CARD8: variants seen among roughly 807,000 people sequenced by gnomAD.
The protein encoded by CARD8 is caspase recruitment domain-containing protein 8.
A neutral mutation model predicts 53.2 loss-of-function variants in CARD8; 38 were observed. The ratio of observed to expected loss-of-function variants is 0.71; its 90% CI spans 0.55 to 0.94. The LOEUF is 0.94. CARD8 is among the 40% of genes least tolerant of loss of function. CARD8 has a pLI of 0.00. For synonymous variants in CARD8, 245 were observed against 244.9 expected (o/e 1.00, Z 0.00); for missense variants, 561 against 655.5 (o/e 0.86, Z 1.57).
intron 7 of CARD8, among the ~76,000 whole-genome samples, 179 bp downstream of exon 7, chr19:48,232,274 T>C (rs2043046314): frequency 6.6e-6 from 1 of 152,182 alleles, no homozygotes; most frequent in African/African-American, 2.4e-5. Context: ...AGCATTTCCA[T>C]GCCCCAGCAG....
chr19:48,244,281 TA>T (rs1365924967), intron 3 of CARD8, among the ~76,000 whole-genome samples: 4 of 152,110 alleles, frequency 2.6e-5, no homozygotes, highest in African/African-American at 9.7e-5. Flanking sequence ...TATTACTGAG[TA>T]TCAATGAAAG....
rs992659255 is a variant in CARD8 at position 48,211,544 on chromosome 19, G to A, written c.*166C>T. ...CTTGAGGAAAATGCATGAGGATACA[G>A]TCAATAGGTACATGCCAGGTTACAA... On this transcript the variant is annotated 3_prime_UTR_variant, in exon 14 of 14. Transcript: ENST00000651546. 7 of 643,442 alleles carry A rather than the reference G, an allele frequency of 1.1e-5. No individual in the cohort carries two copies. The highest frequency in any genetic ancestry group is 1.9e-5 in the Non-Finnish European group (7 of 373,570). The allele number at this position is 643,442 out of a possible 1,614,324, so 39.9% of individuals were successfully genotyped here.
At chr19:48,233,140 C>T (rs1460224283) in intron 6 of CARD8, 1 of 353,666 alleles carries the variant, frequency 2.8e-6, no homozygotes, top group Non-Finnish European at 5.5e-6. Flanking sequence ...CTGGAGGTGG[C>T]ACCAAAGCAT....
downstream of CARD8, chr19:48,204,202 G>A (rs1459862143): frequency 2.2e-5 from 10 of 455,832 alleles, no homozygotes; most frequent in East Asian, 5.6e-4. Flanking sequence ...GCCGCTCAGC[G>A]CGCAGGAGGG....
chr19:48,233,414 T>C lies in CARD8; in HGVS notation c.351-921A>G, dbSNP rs1231238942. 1.1e-5 allele frequency: 5 copies of C among 456,066 alleles called. 1 individual carries two copies. The highest frequency in any genetic ancestry group is 7.7e-5 in the South Asian group (5 of 64,552). 28.3% of individuals were successfully genotyped at this position (456,066 alleles called of 1,614,324 possible). A position where few individuals can be genotyped will look rare whatever the true frequency, so the allele number is the denominator to read the frequency against. On this transcript the variant is annotated intron_variant, in intron 6 of 13. Transcript: ENST00000651546. ...TAAAAAGAACAGGTACCTAGAGAAGTGGGATGAAGAGAAAGGCTTTACAGC... is the reference window on the plus strand; with the variant it reads ...TAAAAAGAACAGGTACCTAGAGAAGCGGGATGAAGAGAAAGGCTTTACAGC...
At chr19:48,225,151 C>T (rs115354338) in intron 10 of CARD8, among the ~76,000 whole-genome samples, 6,191 of 130,880 alleles carry the variant, frequency 0.047, 398 homozygotes, top group African/African-American at 0.15. Context: ...AATAAATAGA[C>T]ATGTGACCAC....
chr19:48,238,026 G>A (rs1383805353), intron 5 of CARD8, among the ~76,000 whole-genome samples: 3 of 151,866 alleles, frequency 2.0e-5, no homozygotes, highest in Non-Finnish European at 2.9e-5. Flanking sequence ...GAGTAGCTGG[G>A]ATTACAGGTG....
chr19:48,234,480 T>A lies in CARD8; in HGVS notation c.273A>T (p.Glu91Asp), dbSNP rs762447434. ...ATGGCTCTGCCTCTGTCTCATCATC[T>A]TCTTGGAAAAAATGTGAGATGTCAC... ...TLCDISHFFQ[E>D]DDETEAEPLL... The change falls in exon 6 of 14, where the codon GAA becomes GAT. Residue 91 changes from glutamate to aspartate, a missense_variant. Physicochemically the swap from Glu to Asp is conservative, Grantham distance 45. Transcript: ENST00000651546. 8 of 1,613,716 alleles carry A rather than the reference T, an allele frequency of 5.0e-6. No individual in the cohort carries two copies. The highest frequency in any genetic ancestry group is 2.2e-5 in the East Asian group (1 of 44,880).
chr19:48,247,909 C>CTCAATTGAAATT (rs1218327585), intron 3 of CARD8, among the ~76,000 whole-genome samples: 1 of 151,282 alleles, frequency 6.6e-6, no homozygotes, highest in Non-Finnish European at 1.5e-5. Context: ...CATATGTATT[C>CTCAATTGAAATT]TCAATTGAAA....
At chr19:48,255,295 G>A (rs1169834743) in intron 1 of CARD8, among the ~76,000 whole-genome samples, 1 of 152,182 alleles carries the variant, frequency 6.6e-6, no homozygotes, top group Non-Finnish European at 1.5e-5. Context: ...GAACCTGGGA[G>A]GCAGAGGTTG....
chr19:48,218,948 T>C lies in CARD8; in HGVS notation c.1226A>G (p.Gln409Arg), dbSNP rs767485538. ...IQHFSKFYAG[Q>R]MKEPIQLEIT... ...CTCAAGTTGAATGGGTTCCTTCATC[T>C]GCCCAGCATAGAATTTTGAGAAGTG... The change falls in exon 12 of 14, where the codon CAG becomes CGG. Residue 409 changes from glutamine (Q) to arginine (R), a missense_variant. By Grantham distance (43) the Gln-to-Arg change is conservative. Coordinates refer to ENST00000651546, the MANE Select transcript of CARD8 (RefSeq NM_001184900.3). 6.2e-7 allele frequency: 1 copy of C among 1,614,002 alleles called. No individual in the cohort carries two copies. The highest frequency in any genetic ancestry group is 8.5e-7 in the Non-Finnish European group (1 of 1,179,842).
chr19:48,236,888 C>G (rs1346787957), intron 5 of CARD8, among the ~76,000 whole-genome samples: 2 of 152,098 alleles, frequency 1.3e-5, no homozygotes, highest in Non-Finnish European at 2.9e-5. Context: ...AATTATCCTG[C>G]CTCAAGCCTC....
chr19:48,244,000 T>C (rs1364882931), intron 3 of CARD8, among the ~76,000 whole-genome samples: 3 of 152,316 alleles, frequency 2.0e-5, no homozygotes, highest in African/African-American at 7.2e-5. Context: ...CTCACTTTAG[T>C]TACACCTGTA....
Position 48,231,012 on chromosome 19 carries a change from A to T in CARD8, c.543-6T>A. ...CAGCAGTGGGGAACCAAACGCTGAA[A>T]GGAGCCAGAGTGATGTCATGACGGG... On this transcript the variant is annotated splice_region_variant and splice_polypyrimidine_tract_variant and intron_variant, in intron 8 of 13. Transcript: ENST00000651546. 6.2e-7 allele frequency: 1 copy of T among 1,609,748 alleles called. No individual in the cohort carries two copies. Among genetic ancestry groups the T allele is most frequent in the Non-Finnish European group, 8.5e-7 (1 of 1,176,100 alleles).
Position 48,225,048 on chromosome 19 carries a change from C to T in CARD8, c.1036-3193G>A, listed in dbSNP as rs184886094. Among the ~76,000 whole-genome samples the T allele has an allele frequency of 4.7e-3, 721 of 152,048 alleles. 1 individual carries two copies. Among genetic ancestry groups the T allele is most frequent in the Non-Finnish European group, 7.5e-3 (512 of 67,944 alleles). ...GATTACAGGTGTGAGCCACCGCACC[C>T]GGCCCTCCTTGTGCTTTTAACTAAT... On this transcript the variant is annotated intron_variant, in intron 10 of 13. Transcript: ENST00000651546.
intron 3 of CARD8, among the ~76,000 whole-genome samples, chr19:48,246,766 T>A (rs974403005): frequency 1.3e-5 from 2 of 152,186 alleles, no homozygotes; most frequent in Non-Finnish European, 2.9e-5. Flanking sequence ...ATATTTTTTC[T>A]CCATGAATTT....
At position 48,209,555 on chromosome 19, in the gene CARD8, G is replaced by T. The variant is rs558415107; in HGVS notation, c.*2155C>A. ...AAAAATGAAAAGATGTTCTAAATAA[G>T]TAGAATATCAGGGACATTTAGGAAA... is the stretch of plus-strand genomic sequence containing the variant. On this transcript the variant is annotated 3_prime_UTR_variant, in exon 14 of 14. Transcript: ENST00000651546. 7.2e-5 allele frequency: 11 copies of T among 152,224 alleles called. No individual in the cohort carries two copies. The highest frequency in any genetic ancestry group is 2.6e-4 in the African/African-American group (11 of 41,538). 9.4% of individuals were successfully genotyped at this position (152,224 alleles called of 1,614,324 possible). A position where few individuals can be genotyped will look rare whatever the true frequency, so the allele number is the denominator to read the frequency against.
intron 10 of CARD8, among the ~76,000 whole-genome samples, chr19:48,225,641 G>A (rs1303668250): frequency 6.6e-6 from 1 of 152,164 alleles, no homozygotes; most frequent in Non-Finnish European, 1.5e-5. Flanking sequence ...TAAGAGCCCA[G>A]AAGCAGGAAT....
chr19:48,211,737 C>A lies in CARD8; in HGVS notation c.1587G>T (p.Val529=). Residue 529 remains valine (V), a synonymous_variant, in exon 14 of 14, where the codon GTG becomes GTT. Transcript: ENST00000651546. ...RSISERDPYL[V]SYLRQQNL ...ACAAATTCTGCTGTCTAAGATAGGA[C>A]ACGAGGTAAGGGTCCCTTTCACTAA... is the stretch of plus-strand genomic sequence containing the variant. 1.9e-6 allele frequency: 3 copies of A among 1,614,144 alleles called. No homozygotes were observed. The highest frequency in any genetic ancestry group is 2.5e-6 in the Non-Finnish European group (3 of 1,180,030).
Sources: allele counts gnomAD v4.1 joint callset (sites outside exome capture counted in the v4.1 genomes callset), GRCh38; gene constraint gnomAD v4.1.1; transcripts MANE v1.5; gene names NCBI Gene and HGNC (gene_info 2026-07-23, HGNC 2026-07-21).